Variants in RUNX1 observed in about 807,000 individuals in gnomAD.
RUNX1 encodes runt-related transcription factor 1.
A neutral mutation model predicts 42.8 loss-of-function variants in RUNX1; 19 were observed. The observed-to-expected ratio is 0.44, with a 90% CI of 0.31 to 0.65. The LOEUF (loss-of-function observed/expected upper bound fraction) is 0.65, where lower values mean the gene tolerates loss of function less well. Among genes scored for constraint, RUNX1 ranks in the 30% least tolerant of loss-of-function variants. RUNX1 has a pLI of 0.07. For synonymous variants in RUNX1, 271 were observed against 289.4 expected (o/e 0.94, Z 0.64); for missense variants, 528 against 672.0 (o/e 0.79, Z 2.37).
intron 2 of RUNX1, among the ~76,000 whole-genome samples, chr21:35,006,066 A>C (rs2059082038): frequency 8.5e-5 from 13 of 152,138 alleles, no homozygotes; most frequent in Admixed American, 8.5e-4. Flanking sequence ...TCCCAATTTT[A>C]AGTCATTCTC....
intron 2 of RUNX1, among the ~76,000 whole-genome samples, chr21:35,010,169 C>G (rs951368378): frequency 6.6e-6 from 1 of 151,634 alleles, no homozygotes; most frequent in Non-Finnish European, 1.5e-5. Flanking sequence ...CATACAAAAC[C>G]ATATTGCATA....
In RUNX1 at chr21:34,944,243, C is replaced by T. The variant is rs563365272; in HGVS notation, c.59-51280G>A. Among the ~76,000 whole-genome samples, 3 of 152,328 alleles carry T rather than the reference C, an allele frequency of 2.0e-5. No homozygotes were observed. The East Asian group carries it at 5.8e-4, about 29-fold the overall frequency. ...CAGGCTTGTCTCGAACTCCTGGACT[C>T]AAGCAGTCCTCCAGCTGGCCTCCTA... On this transcript the variant is annotated intron_variant, in intron 2 of 8. Transcript: ENST00000675419.
At chr21:34,993,109 G>A (rs1052689199) in intron 2 of RUNX1, among the ~76,000 whole-genome samples, 3 of 152,196 alleles carry the variant, frequency 2.0e-5, no homozygotes, top group Non-Finnish European at 2.9e-5. Flanking sequence ...CGTATCTGGC[G>A]GACGCCATCA....
chr21:34,993,883 G>A (rs1320597760), intron 2 of RUNX1, among the ~76,000 whole-genome samples: 1 of 152,080 alleles, frequency 6.6e-6, no homozygotes, highest in African/African-American at 2.4e-5. Flanking sequence ...TGACATGAAT[G>A]ACCTGGCATA....
At chr21:34,965,527 GA>G (rs2058712695) in intron 2 of RUNX1, among the ~76,000 whole-genome samples, 1 of 151,500 alleles carries the variant, frequency 6.6e-6, no homozygotes, top group Non-Finnish European at 1.5e-5. Context: ...ACACGAAAAA[GA>G]AAAAAAGAGA....
Position 34,886,747 on chromosome 21 carries a change from GA to G in RUNX1, c.351+95del, listed in dbSNP as rs568042691. The stretch of plus-strand genomic sequence containing the variant: ...CCGGGGCTGCGGGGGCCCCTTTCCA[GA>G]ATCCGGCCCCGCCCGCCTGGCCGCT... On this transcript the variant is annotated intron_variant, in intron 4 of 8. Coordinates refer to ENST00000675419, the MANE Select transcript of RUNX1 (RefSeq NM_001754.5). 3.2e-3 allele frequency: 5,003 copies of G among 1,586,426 alleles called. 17 individuals are homozygous for G. Among genetic ancestry groups the G allele is most frequent in the Middle Eastern group, 0.01 (45 of 4,412 alleles).
intron 2 of RUNX1, among the ~76,000 whole-genome samples, chr21:34,942,341 G>A (rs2058533667): frequency 6.6e-6 from 1 of 151,658 alleles, no homozygotes; most frequent in African/African-American, 2.4e-5. Context: ...TCATTTGCCT[G>A]TACACTGATG....
intron 5 of RUNX1, among the ~76,000 whole-genome samples, chr21:34,868,058 T>C (rs371303774): frequency 6.6e-6 from 1 of 152,076 alleles, no homozygotes; most frequent in South Asian, 2.1e-4. Flanking sequence ...AAGGAAGGCT[T>C]GGGGGGCGTC....
At position 34,806,865 on chromosome 21, in the gene RUNX1, A is replaced by G. The variant is rs536454805; in HGVS notation, c.806-7403T>C. Among the ~76,000 whole-genome samples the G allele has an allele frequency of 2.8e-4, 43 of 152,332 alleles. No homozygotes were observed. The South Asian group carries it at 2.9e-3, about 10-fold the overall frequency. ...TGGAGATTAAACAACATACTTCTAC[A>G]TTAGACATGAGTCAAATAAAAAGTC... On this transcript the variant is annotated intron_variant, in intron 7 of 8. Transcript: ENST00000675419.
intron 7 of RUNX1, among the ~76,000 whole-genome samples, chr21:34,823,430 G>GGTTTTTTTTTT (rs58016583): frequency 2.0e-5 from 2 of 99,712 alleles, no homozygotes; most frequent in African/African-American, 1.0e-4. Flanking sequence ...TTCCTGGTGG[G>GGTTTTTTTTTT]TTTTTTTTTT....
chr21:35,043,407 C>A (rs1008070471), intron 2 of RUNX1, among the ~76,000 whole-genome samples: 2 of 151,986 alleles, frequency 1.3e-5, no homozygotes, highest in African/African-American at 4.8e-5. Context: ...TGTTCAGGCA[C>A]CAGTGTAGCT....
Position 34,887,008 on chromosome 21 carries a change from G to T in RUNX1, c.186C>A (p.Asp62Glu), listed in dbSNP as rs886450546. Reference protein sequence around the residue: ...MSEALPLGAPDAGAALAGKLR... With the variant: ...MSEALPLGAPEAGAALAGKLR... The stretch of plus-strand genomic sequence containing the variant: ...GCTTGCCGGCCAGGGCAGCGCCGGC[G>T]TCCGGGGCGCCCAGCGGCAACGCCT... Residue 62 changes from aspartate (D) to glutamate (E), a missense_variant, in exon 4 of 9, where the codon GAC (aspartate) becomes GAA (glutamate). Physicochemically the swap from Asp to Glu is conservative, Grantham distance 45. Coordinates refer to ENST00000675419, the MANE Select transcript of RUNX1 (RefSeq NM_001754.5). The T allele has an allele frequency of 1.2e-6, 2 of 1,603,146 alleles. No homozygotes were observed. The highest frequency in any genetic ancestry group is 1.7e-6 in the Non-Finnish European group (2 of 1,177,938).
intron 2 of RUNX1, among the ~76,000 whole-genome samples, chr21:35,014,257 G>A (rs2099352065): frequency 6.6e-6 from 1 of 152,150 alleles, no homozygotes. Flanking sequence ...TGGTATCTAA[G>A]GGTCCAGTTT....
Position 35,001,618 on chromosome 21 carries a change from A to G in RUNX1, c.58+47224T>C, listed in dbSNP as rs893374036. On this transcript the variant is annotated intron_variant, in intron 2 of 8. Coordinates refer to ENST00000675419, the MANE Select transcript of RUNX1 (RefSeq NM_001754.5). The stretch of plus-strand genomic sequence containing the variant: ...AAGGATGTTCACTCTTGCCACTTCT[A>G]TTCAACACAGTACTGGAAATTCTAG... 2.0e-5 allele frequency among the ~76,000 whole-genome samples: 3 copies of G among 152,310 alleles called. No individual in the cohort carries two copies. In the South Asian group the frequency reaches 6.2e-4, roughly 32 times the overall value.
intron 2 of RUNX1, chr21:35,038,830 C>T (rs61750966): frequency 0.059 from 25,945 of 443,260 alleles, 1,047 homozygotes; most frequent in Admixed American, 0.098. Context: ...CAGCCTTGGC[C>T]GAGGCCATCT....
At chr21:34,857,401 G>C (rs976906357) in intron 6 of RUNX1, among the ~76,000 whole-genome samples, 2 of 152,162 alleles carry the variant, frequency 1.3e-5, no homozygotes, top group Admixed American at 6.5e-5. Context: ...GCCACCATTT[G>C]TTTTCTGAAG....
intron 2 of RUNX1, among the ~76,000 whole-genome samples, chr21:35,048,626 C>CT (rs1180865380): frequency 6.6e-6 from 1 of 152,238 alleles, no homozygotes; most frequent in Non-Finnish European, 1.5e-5. Context: ...AACAGCATAA[C>CT]TAAGTATTTA....
chr21:35,009,891 T>C (rs1308828549), intron 2 of RUNX1, among the ~76,000 whole-genome samples: 1 of 152,236 alleles, frequency 6.6e-6, no homozygotes, highest in African/African-American at 2.4e-5. Flanking sequence ...AGTTTTCTTA[T>C]ATGTAAAAGA....
chr21:34,812,025 C>T (rs1312855299), intron 7 of RUNX1, among the ~76,000 whole-genome samples: 1 of 150,510 alleles, frequency 6.6e-6, no homozygotes, highest in East Asian at 2.0e-4. Context: ...TCTCTTGCAC[C>T]TCTCTATTTT....
Sources: allele counts gnomAD v4.1 joint callset (sites outside exome capture counted in the v4.1 genomes callset), GRCh38; gene constraint gnomAD v4.1.1; transcripts MANE v1.5; gene names NCBI Gene and HGNC (gene_info 2026-07-23, HGNC 2026-07-21).